PTPRZ1: variants seen among roughly 807,000 people sequenced by gnomAD.
The protein encoded by PTPRZ1 is receptor-type tyrosine-protein phosphatase zeta.
A neutral mutation model predicts 214.1 loss-of-function variants in PTPRZ1; 82 were observed. The observed-to-expected ratio is 0.38, with a 90% CI of 0.32 to 0.46. The LOEUF is 0.46. Among genes scored for constraint, PTPRZ1 ranks in the 20% least tolerant of loss-of-function variants. The pLI is 1.00. For synonymous variants in PTPRZ1, 945 were observed against 987.9 expected (o/e 0.96, Z 0.81); for missense variants, 2,603 against 2,748.7 (o/e 0.95, Z 1.19).
rs1326954213 is a variant in PTPRZ1, at chr7:122,011,424, C to G, written c.2378C>G (p.Ala793Gly). Residue 793 changes from alanine (A) to glycine (G), a missense_variant, in exon 12 of 30, where the codon GCC becomes GGC. By Grantham distance (60) the Ala-to-Gly change is moderately conservative. Around this residue, in one of 6 missense-constraint regions of PTPRZ1, gnomAD observed 1,913 missense variants for 1,914.3 expected, o/e 1.00. Coordinates refer to ENST00000393386, the MANE Select transcript of PTPRZ1 (RefSeq NM_002851.3). ...CCTGCTGCTTCAAGTAGTGATTCGG[C>G]CTTGCATGCTACGCCTGTATTTCCC... Reference protein sequence around the residue: ...TTPAASSSDSALHATPVFPSV... With the variant: ...TTPAASSSDSGLHATPVFPSV... The G allele has an allele frequency of 3.7e-6, 6 of 1,614,100 alleles. No individual in the cohort carries two copies. The highest frequency in any genetic ancestry group is 1.1e-5 in the South Asian group (1 of 91,080).
rs368926295 is a variant in PTPRZ1, at chr7:121,905,162, C to T, written c.59-22994C>T. ...TTCCATAGCAGGATGTTGAGGAAGA[C>T]TTTTTCTCTTGCCTTGGAATCACTG... On this transcript the variant is annotated intron_variant, in intron 1 of 29. Transcript: ENST00000393386. Among the ~76,000 whole-genome samples, 16 of 152,244 alleles carry T rather than the reference C, an allele frequency of 1.1e-4. 1 individual carries two copies. The East Asian group carries it at 1.9e-3, about 18-fold the overall frequency.
At chr7:121,964,243 C>T (rs1313689984) in intron 2 of PTPRZ1, among the ~76,000 whole-genome samples, 1 of 152,106 alleles carries the variant, frequency 6.6e-6, no homozygotes, top group Non-Finnish European at 1.5e-5. Context: ...AAGGACATAC[C>T]TGAGACTGGG....
At chr7:121,939,252 C>T (rs1442669612) in intron 2 of PTPRZ1, among the ~76,000 whole-genome samples, 1 of 152,134 alleles carries the variant, frequency 6.6e-6, no homozygotes, top group Non-Finnish European at 1.5e-5. Context: ...AGCTAAAAAT[C>T]GTAATGAATT....
intron 14 of PTPRZ1, among the ~76,000 whole-genome samples, chr7:122,029,721 T>G (rs1046005450): frequency 4.6e-5 from 7 of 151,628 alleles, no homozygotes; most frequent in African/African-American, 1.4e-4. Flanking sequence ...TATTTTACAT[T>G]TATATGTTGA....
intron 6 of PTPRZ1, among the ~76,000 whole-genome samples, chr7:121,979,338 A>AAAGACGTTAGTTGCAATCTTTCGAGTTGC (rs1797533809): frequency 6.6e-6 from 1 of 152,182 alleles, no homozygotes; most frequent in Non-Finnish European, 1.5e-5. Context: ...AGAGCCCACA[A>AAAGACGTTAGTTGCAATCTTTCGAGTTGC]AAGACGTTAG....
At chr7:121,959,047 T>C (rs1253026290) in intron 2 of PTPRZ1, among the ~76,000 whole-genome samples, 2 of 152,114 alleles carry the variant, frequency 1.3e-5, no homozygotes, top group Non-Finnish European at 2.9e-5. Context: ...ATGGTCTCAA[T>C]CTCCTGACCT....
chr7:122,030,383 A>G (rs948000967), intron 14 of PTPRZ1, among the ~76,000 whole-genome samples: 7 of 152,096 alleles, frequency 4.6e-5, no homozygotes, highest in Non-Finnish European at 1.0e-4. Flanking sequence ...GATAACATCA[A>G]GGGGTTTGAA....
chr7:121,943,599 A>G (rs941167116), intron 2 of PTPRZ1, among the ~76,000 whole-genome samples: 7 of 152,134 alleles, frequency 4.6e-5, no homozygotes, highest in Admixed American at 2.6e-4. Flanking sequence ...CGGCCTCCCA[A>G]CGTGCTGGGA....
chr7:121,893,903 CTTT>C (rs1366236606), intron 1 of PTPRZ1, among the ~76,000 whole-genome samples: 1 of 152,032 alleles, frequency 6.6e-6, no homozygotes, highest in Admixed American at 6.6e-5. Context: ...AGCTACACTT[CTTT>C]ATCCTCCTTC....
In PTPRZ1 at chr7:121,972,479, T is replaced by C. The variant is rs1797283636; in HGVS notation, c.305-62T>C. Reference sequence around the variant, plus strand: ...TAATGTACCTTAAGTAGATGGAAATTTAGTTGAAATTTAAAATTTTGATTT... The same window carrying C: ...TAATGTACCTTAAGTAGATGGAAATCTAGTTGAAATTTAAAATTTTGATTT... On this transcript the variant is annotated intron_variant, in intron 3 of 29. Transcript: ENST00000393386. 9 of 1,429,144 alleles carry C rather than the reference T, an allele frequency of 6.3e-6. No homozygotes were observed. In the South Asian group the frequency reaches 1.1e-4, roughly 18 times the overall value. 88.5% of individuals were successfully genotyped at this position (1,429,144 alleles called of 1,614,324 possible). A position where few individuals can be genotyped will look rare whatever the true frequency, so the allele number is the denominator to read the frequency against.
chr7:121,935,576 GTTTT>G (rs918453782), intron 2 of PTPRZ1, among the ~76,000 whole-genome samples: 2 of 143,504 alleles, frequency 1.4e-5, no homozygotes, highest in Admixed American at 1.4e-4. Context: ...TTGTTTGTTT[GTTTT>G]GAGAAGGAGT....
chr7:121,907,654 C>CCT (rs1186682157), intron 1 of PTPRZ1, among the ~76,000 whole-genome samples: 1 of 151,684 alleles, frequency 6.6e-6, no homozygotes, highest in East Asian at 1.9e-4. Flanking sequence ...TTTGGAAAGG[C>CCT]CTAAACTCAG....
intron 12 of PTPRZ1, 146 bp from the exon 13 acceptor site, chr7:122,018,978 C>T (rs1409398084): frequency 1.4e-6 from 1 of 721,494 alleles, no homozygotes; most frequent in East Asian, 2.9e-5. Context: ...ATTAAATTGG[C>T]TTATAATTGT....
At position 122,026,185 on chromosome 7, in the gene PTPRZ1, A is replaced by G. The variant is rs1799202198; in HGVS notation, c.4989-2367A>G. Among the ~76,000 whole-genome samples the G allele has an allele frequency of 2.0e-5, 3 of 152,292 alleles. 1 individual carries two copies. The South Asian group carries it at 6.2e-4, about 32-fold the overall frequency. On this transcript the variant is annotated intron_variant, in intron 13 of 29. Coordinates refer to ENST00000393386, the MANE Select transcript of PTPRZ1 (RefSeq NM_002851.3). Reference sequence around the variant, plus strand: ...AAATCTAGGAAATAAGGAGGATTCAAAAGGAGTGATCTCCTTCTCACTGAA... The same window carrying G: ...AAATCTAGGAAATAAGGAGGATTCAGAAGGAGTGATCTCCTTCTCACTGAA...
Position 121,976,204 on chromosome 7 carries a change from T to A in PTPRZ1, c.488T>A (p.Phe163Tyr). The A allele has an allele frequency of 1.2e-6, 2 of 1,609,350 alleles. No homozygotes were observed. Among genetic ancestry groups the A allele is most frequent in the Non-Finnish European group, 1.7e-6 (2 of 1,177,002 alleles). ...MQIYCFDADR[F>Y]SSFEEAVKGK... Reference sequence around the variant, plus strand: ...ATCTACTGCTTTGATGCGGACCGATTTTCAAGTTTTGAGGAAGCAGTCAAA... The same window carrying A: ...ATCTACTGCTTTGATGCGGACCGATATTCAAGTTTTGAGGAAGCAGTCAAA... Residue 163 changes from phenylalanine to tyrosine, a missense_variant, in exon 5 of 30, where the codon TTT becomes TAT. By Grantham distance (22) the Phe-to-Tyr change is conservative (BLOSUM62 3). Coordinates refer to ENST00000393386, the MANE Select transcript of PTPRZ1 (RefSeq NM_002851.3).
At chr7:121,917,973 C>A (rs1432638220) in intron 1 of PTPRZ1, among the ~76,000 whole-genome samples, 1 of 151,704 alleles carries the variant, frequency 6.6e-6, no homozygotes, top group African/African-American at 2.4e-5. Flanking sequence ...ATTGAAGATC[C>A]ATTGAAAAAT....
intron 8 of PTPRZ1, among the ~76,000 whole-genome samples, chr7:121,994,878 A>G (rs1265086281): frequency 6.6e-6 from 1 of 152,176 alleles, no homozygotes; most frequent in Non-Finnish European, 1.5e-5. Flanking sequence ...TTCTAAAGGA[A>G]CACCCCAACC....
intron 9 of PTPRZ1, 115 bp downstream of exon 9, chr7:121,996,681 A>C (rs1355624345): frequency 1.3e-6 from 1 of 786,850 alleles, no homozygotes; most frequent in East Asian, 2.9e-5. Flanking sequence ...CTTTATGTGA[A>C]GGTGGGGTAG....
intron 11 of PTPRZ1, among the ~76,000 whole-genome samples, chr7:122,006,062 T>C (rs1469908018): frequency 6.6e-6 from 1 of 152,112 alleles, no homozygotes; most frequent in East Asian, 1.9e-4. Flanking sequence ...AAAACTATAA[T>C]ATTGTATTTA....
Sources: allele counts gnomAD v4.1 joint callset (sites outside exome capture counted in the v4.1 genomes callset), GRCh38; gene constraint gnomAD v4.1.1; regional missense constraint gnomAD v4.1.1; transcripts MANE v1.5; gene names NCBI Gene and HGNC (gene_info 2026-07-23, HGNC 2026-07-21).